The following DOCK10 variants were observed in gnomAD, a reference collection of about 807,000 sequenced individuals.
DOCK10 encodes the protein dedicator of cytokinesis 10.
A neutral mutation model predicts 280.1 loss-of-function variants in DOCK10; 145 were observed. The ratio of observed to expected loss-of-function variants is 0.52; its 90% CI spans 0.45 to 0.59. DOCK10 has a LOEUF of 0.59. Among genes scored for constraint, DOCK10 ranks in the 20% least tolerant of loss-of-function variants. The pLI, the probability that DOCK10 is intolerant of heterozygous loss-of-function variation, is 0.00. For missense variants in DOCK10, 2,368 were observed against 2,651.7 expected (o/e 0.89, Z 2.35); for synonymous variants, 915 against 942.2 (o/e 0.97, Z 0.53).
At chr2:224,896,442 C>T (rs763138672) in intron 3 of DOCK10, 65 bp from the exon 4 acceptor site, 15 of 1,043,116 alleles carry the variant, frequency 1.4e-5, no homozygotes, top group African/African-American at 9.8e-5. Context: ...GGCGCGGTGG[C>T]GCTTGCCTGT....
At chr2:224,783,367 A>C (rs1476170655) in intron 50 of DOCK10, among the ~76,000 whole-genome samples, 4 of 150,274 alleles carry the variant, frequency 2.7e-5, no homozygotes, top group Non-Finnish European at 5.9e-5. Context: ...CTCCACCTCC[A>C]GGGTTCACGC....
chr2:225,008,893 A>G (rs1159563781), intron 1 of DOCK10, among the ~76,000 whole-genome samples: 1 of 152,220 alleles, frequency 6.6e-6, no homozygotes, highest in Non-Finnish European at 1.5e-5. Context: ...AGCCACAGTT[A>G]TGTTAAACAA....
chr2:224,808,054 A>G lies in DOCK10; in HGVS notation c.3442T>C (p.Cys1148Arg), dbSNP rs751960160. 2.2e-5 allele frequency: 36 copies of G among 1,612,556 alleles called. No individual in the cohort carries two copies. The highest frequency in any genetic ancestry group is 3.1e-5 in the Non-Finnish European group (36 of 1,179,208). Residue 1148 changes from cysteine (C) to arginine (R), a missense_variant, in exon 32 of 56, where the codon TGT becomes CGT. Around this residue, in one of 2 missense-constraint regions of DOCK10, gnomAD observed 1,159 missense variants for 1,400.8 expected, o/e 0.83. Transcript: ENST00000258390. ...ATTCCGATTAAGAAGTGTTTGCGAC[A>G]AAATTCATTTGTGACTGAATATTCA... is the stretch of plus-strand genomic sequence containing the variant. The part of the protein sequence containing the change: ...MPEYSVTNEF[C>R]RKHFLIGILL...
intron 1 of DOCK10, among the ~76,000 whole-genome samples, chr2:225,014,081 A>ATATTTTTTTT (rs776104946): frequency 2.1e-5 from 2 of 96,820 alleles, no homozygotes; most frequent in Non-Finnish European, 3.9e-5. Context: ...GTCTGAATAT[A>ATATTTTTTTT]TTGTTTTTTT....
intron 1 of DOCK10, among the ~76,000 whole-genome samples, chr2:224,957,452 T>C (rs940613946): frequency 6.6e-6 from 1 of 151,898 alleles, no homozygotes; most frequent in Non-Finnish European, 1.5e-5. Flanking sequence ...CATCACACCT[T>C]TTTTCATTTT....
At chr2:224,977,760 A>G (rs924243773) in intron 1 of DOCK10, among the ~76,000 whole-genome samples, 2 of 152,236 alleles carry the variant, frequency 1.3e-5, no homozygotes, top group Non-Finnish European at 2.9e-5. Flanking sequence ...AAGAATCTAC[A>G]TTAGTTAATT....
Position 224,770,526 on chromosome 2 carries a change from C to T in DOCK10, c.6305+19G>A, listed in dbSNP as rs1690366723. The T allele has an allele frequency of 6.2e-7, 1 of 1,605,488 alleles. No homozygotes were observed. Among genetic ancestry groups the T allele is most frequent in the Non-Finnish European group, 8.5e-7 (1 of 1,172,356 alleles). On this transcript the variant is annotated intron_variant, in intron 54 of 55. Transcript: ENST00000258390. This position sits in a 1 kb window ranked among gnomAD's most constrained non-coding sequence, Gnocchi z 4.5. ...CTCAGGAAGTTCAAGGAAGAACATC[C>T]CAACAGCGAGAAGCTTACCTGAAGA...
intron 51 of DOCK10, 94 bp downstream of exon 51, chr2:224,778,044 G>T: frequency 2.3e-6 from 3 of 1,288,932 alleles, no homozygotes; most frequent in South Asian, 1.5e-5. Context: ...AGTTTACTTT[G>T]CATCGTCAGG....
Position 224,770,249 on chromosome 2 carries a change from C to T in DOCK10, c.6406G>A (p.Asp2136Asn). ...YQEELRSHYK[D>N]MLSELSTVMN... is the part of the protein sequence containing the mutation. ...ACTGTGGAGAGTTCGCTGAGCATGTCCTTGTAGTGGGACCTCAGTTCTTCC... is the reference window on the plus strand; with the variant it reads ...ACTGTGGAGAGTTCGCTGAGCATGTTCTTGTAGTGGGACCTCAGTTCTTCC... The change falls in exon 55 of 56, where the codon GAC becomes AAC. Residue 2136 changes from aspartate to asparagine, a missense_variant. Around this residue, in one of 2 missense-constraint regions of DOCK10, gnomAD observed 1,159 missense variants for 1,400.8 expected, o/e 0.83. Coordinates refer to ENST00000258390, the MANE Select transcript of DOCK10 (RefSeq NM_014689.3). This position sits in a 1 kb window ranked among gnomAD's most constrained non-coding sequence, Gnocchi z 4.5. The T allele has an allele frequency of 1.9e-6, 3 of 1,603,708 alleles. No individual in the cohort carries two copies. The highest frequency in any genetic ancestry group is 1.1e-5 in the South Asian group (1 of 88,836).
intron 1 of DOCK10, among the ~76,000 whole-genome samples, chr2:225,001,220 T>C (rs971944565): frequency 1.3e-5 from 2 of 151,856 alleles, no homozygotes; most frequent in Non-Finnish European, 2.9e-5. Flanking sequence ...ATAGATGAAC[T>C]AGCAGGTAGG....
intron 1 of DOCK10, among the ~76,000 whole-genome samples, chr2:224,948,792 T>C (rs971145551): frequency 1.3e-5 from 2 of 152,224 alleles, no homozygotes; most frequent in African/African-American, 4.8e-5. Context: ...AATGGTGCCT[T>C]AAATTTCTGA....
chr2:225,031,957 C>G (rs1199239480), intron 1 of DOCK10, among the ~76,000 whole-genome samples: 1 of 152,140 alleles, frequency 6.6e-6, no homozygotes, highest in Non-Finnish European at 1.5e-5. Flanking sequence ...ACAGCCATTC[C>G]CTTCATTGCA....
intron 1 of DOCK10, among the ~76,000 whole-genome samples, chr2:225,035,573 T>TATATATATA (rs1553634927): frequency 4.5e-5 from 2 of 44,152 alleles, no homozygotes; most frequent in East Asian, 1.2e-3. Flanking sequence ...TATATATATA[T>TATATATATA]ATATATATAT....
intron 52 of DOCK10, among the ~76,000 whole-genome samples, chr2:224,773,692 C>T (rs540366608): frequency 1.0e-4 from 15 of 150,496 alleles, no homozygotes; most frequent in South Asian, 6.3e-4. Flanking sequence ...AGTGCAGTGG[C>T]GCGATCTCGG....
chr2:224,982,885 C>T (rs1049585370), intron 1 of DOCK10, among the ~76,000 whole-genome samples: 4 of 151,846 alleles, frequency 2.6e-5, no homozygotes, highest in Admixed American at 2.6e-4. Flanking sequence ...TTTCATAGCT[C>T]ATAAGTTCCA....
chr2:225,008,084 T>A (rs960403970), intron 1 of DOCK10, among the ~76,000 whole-genome samples: 1 of 152,210 alleles, frequency 6.6e-6, no homozygotes, highest in Non-Finnish European at 1.5e-5. Flanking sequence ...TGAGCATCAA[T>A]CCTGACTCAG....
chr2:224,988,326 G>T (rs117990571), intron 1 of DOCK10, among the ~76,000 whole-genome samples: 1 of 152,148 alleles, frequency 6.6e-6, no homozygotes, highest in African/African-American at 2.4e-5. Context: ...TGCTTACCTT[G>T]TTTGCTATAT....
chr2:224,961,472 C>CTTTCTTTCTTTCT (rs1559874257), intron 1 of DOCK10, among the ~76,000 whole-genome samples: 5 of 102,940 alleles, frequency 4.9e-5, no homozygotes, highest in Non-Finnish European at 8.2e-5. Context: ...CTTTCTTTTT[C>CTTTCTTTCTTTCT]TTTCTTTCTT....
intron 1 of DOCK10, among the ~76,000 whole-genome samples, chr2:224,944,119 G>A (rs1240828682): frequency 6.6e-6 from 1 of 152,178 alleles, no homozygotes; most frequent in Non-Finnish European, 1.5e-5. Context: ...ATGAGGCTGT[G>A]AGTGGGTTTC....
Sources: allele counts gnomAD v4.1 joint callset (sites outside exome capture counted in the v4.1 genomes callset), GRCh38; gene constraint gnomAD v4.1.1; regional missense constraint gnomAD v4.1.1; non-coding constraint Gnocchi (gnomAD v3.1); transcripts MANE v1.5; gene names NCBI Gene and HGNC (gene_info 2026-07-23, HGNC 2026-07-21).